Variants in RAB18 observed in about 807,000 individuals in gnomAD.
RAB18 encodes ras-related protein Rab-18.
A neutral mutation model predicts 28.5 loss-of-function variants in RAB18; 10 were observed. That is an observed-to-expected ratio of 0.35 (90% CI 0.22 to 0.60). RAB18 has a LOEUF of 0.60. Among genes scored for constraint, RAB18 ranks in the 20% least tolerant of loss-of-function variants. The probability of loss-of-function intolerance (pLI) is 0.78; values close to 1 mark genes in which losing one functional copy is unlikely to be tolerated. For missense variants in RAB18, 188 were observed against 244.2 expected (o/e 0.77, Z 1.53); for synonymous variants, 93 against 86.9 (o/e 1.07, Z -0.39).
chr10:27,522,318 C>G (rs1045751831), intron 2 of RAB18, among the ~76,000 whole-genome samples: 5 of 152,034 alleles, frequency 3.3e-5, no homozygotes, highest in Non-Finnish European at 7.4e-5. Flanking sequence ...TTGTTTTAGT[C>G]TCCTAACAGT....
At chr10:27,521,116 A>G (rs1011677745) in intron 2 of RAB18, among the ~76,000 whole-genome samples, 2 of 151,702 alleles carry the variant, frequency 1.3e-5, no homozygotes, top group African/African-American at 2.4e-5. Context: ...TCCTTCTGTT[A>G]TTAATTTCTA....
chr10:27,513,492 A>G (rs2477343), intron 2 of RAB18, among the ~76,000 whole-genome samples: 44,347 of 152,148 alleles, frequency 0.29, 6,793 homozygotes, highest in Admixed American at 0.35. Flanking sequence ...TCTGTCTTGC[A>G]TAAAATACTC....
intron 6 of RAB18, among the ~76,000 whole-genome samples, chr10:27,535,672 G>GA (rs917254283): frequency 6.6e-6 from 1 of 152,208 alleles, no homozygotes; most frequent in African/African-American, 2.4e-5. Context: ...TGGCCCAGAT[G>GA]AAGGAAGAAG....
Position 27,533,789 on chromosome 10 carries a change from A to G in RAB18, c.314A>G (p.Glu105Gly). The change falls in exon 5 of 7, where the codon GAA becomes GGA. Residue 105 changes from glutamate to glycine, a missense_variant. Coordinates refer to ENST00000356940, the MANE Select transcript of RAB18 (RefSeq NM_021252.5). ...TFVKLDNWLN[E>G]LETYCTRNDI... is the part of the protein sequence containing the mutation. ...GTTAAACTGGATAATTGGTTAAATG[A>G]ATTGGAAACATACTGTACAAGAAAT... 6.2e-7 allele frequency: 1 copy of G among 1,613,784 alleles called. No individual in the cohort carries two copies. Among genetic ancestry groups the G allele is most frequent in the Non-Finnish European group, 8.5e-7 (1 of 1,179,790 alleles).
In RAB18 at chr10:27,538,064, T is replaced by C; in HGVS notation, c.*13T>C. 6.2e-7 allele frequency: 1 copy of C among 1,614,068 alleles called. No homozygotes were observed. Among genetic ancestry groups the C allele is most frequent in the Non-Finnish European group, 8.5e-7 (1 of 1,179,926 alleles). On this transcript the variant is annotated 3_prime_UTR_variant, in exon 7 of 7. Coordinates refer to ENST00000356940, the MANE Select transcript of RAB18 (RefSeq NM_021252.5). ...CTCTGTGTTATAAACTCTGGGAAAT[T>C]CCATCTCTTGCATATTTGATCAGAT...
intron 3 of RAB18, among the ~76,000 whole-genome samples, chr10:27,529,104 T>C (rs1834737502): frequency 6.6e-6 from 1 of 152,022 alleles, no homozygotes; most frequent in African/African-American, 2.4e-5. Context: ...ATCATTTGCC[T>C]TTAAAATCAT....
At chr10:27,515,926 T>C (rs1834429635) in intron 2 of RAB18, among the ~76,000 whole-genome samples, 1 of 152,192 alleles carries the variant, frequency 6.6e-6, no homozygotes, top group African/African-American at 2.4e-5. Context: ...TTAAGATAGT[T>C]GCACATAGTA....
intron 2 of RAB18, among the ~76,000 whole-genome samples, chr10:27,523,682 G>A (rs1043711200): frequency 6.8e-6 from 1 of 147,022 alleles, no homozygotes; most frequent in African/African-American, 2.5e-5. Flanking sequence ...GCACAACCAC[G>A]GCACATTTCA....
intron 2 of RAB18, among the ~76,000 whole-genome samples, chr10:27,516,955 A>G (rs991961795): frequency 6.6e-6 from 1 of 152,206 alleles, no homozygotes; most frequent in Admixed American, 6.5e-5. Context: ...GGACAGAATA[A>G]AGTGGATAGT....
At chr10:27,522,738 G>C (rs1286702884) in intron 2 of RAB18, among the ~76,000 whole-genome samples, 1 of 151,828 alleles carries the variant, frequency 6.6e-6, no homozygotes, top group Non-Finnish European at 1.5e-5. Context: ...AGTAAATTCT[G>C]GTAGCTTTTA....
intron 2 of RAB18, among the ~76,000 whole-genome samples, chr10:27,516,563 G>T (rs1003409076): frequency 8.2e-6 from 1 of 121,528 alleles, no homozygotes; most frequent in Non-Finnish European, 1.8e-5. Context: ...ATCTCAAAAA[G>T]AAAAAAAAAA....
Position 27,523,408 on chromosome 10 carries a change from C to T in RAB18, c.125-3420C>T, listed in dbSNP as rs529164925. Among the ~76,000 whole-genome samples, 4 of 151,154 alleles carry T rather than the reference C, an allele frequency of 2.6e-5. No homozygotes were observed. The East Asian group carries it at 7.8e-4, about 30-fold the overall frequency. On this transcript the variant is annotated intron_variant, in intron 2 of 6. Coordinates refer to ENST00000356940, the MANE Select transcript of RAB18 (RefSeq NM_021252.5). ...CCTTCTCTCTTCTTTTTCCTCAACTCCATTGTTTGCATAATAGGCTGCTTG... is the reference window on the plus strand; with the variant it reads ...CCTTCTCTCTTCTTTTTCCTCAACTTCATTGTTTGCATAATAGGCTGCTTG...
At chr10:27,522,146 AAAAT>A (rs371856110) in intron 2 of RAB18, among the ~76,000 whole-genome samples, 68 of 152,256 alleles carry the variant, frequency 4.5e-4, no homozygotes, top group East Asian at 1.3e-3. Context: ...TGTGTTTAGG[AAAAT>A]AAATAAATAA....
At chr10:27,519,139 G>A (rs2132384855) in intron 2 of RAB18, among the ~76,000 whole-genome samples, 1 of 150,630 alleles carries the variant, frequency 6.6e-6, no homozygotes, top group East Asian at 1.9e-4. Context: ...GGAAAAGTTG[G>A]TTTAACATTA....
chr10:27,534,029 TTAA>T lies in RAB18; in HGVS notation c.445+37_445+39del, dbSNP rs1834844360. ...TGAATGAATATCTGTCCTTTCATTA[TTAA>T]TGAGGAATTTTTGAATGGAGTTTTT... On this transcript the variant is annotated intron_variant, in intron 6 of 6. Coordinates refer to ENST00000356940, the MANE Select transcript of RAB18 (RefSeq NM_021252.5). 10 of 1,538,824 alleles carry T rather than the reference TTAA, an allele frequency of 6.5e-6. No individual in the cohort carries two copies. The East Asian group carries it at 2.3e-4, about 35-fold the overall frequency.
intron 1 of RAB18, among the ~76,000 whole-genome samples, chr10:27,506,555 C>T (rs930777737): frequency 5.3e-5 from 8 of 152,050 alleles, no homozygotes; most frequent in Non-Finnish European, 1.0e-4. Flanking sequence ...CTCCTGAGCT[C>T]AACAGATCCT....
At chr10:27,520,279 C>T (rs1834519680) in intron 2 of RAB18, among the ~76,000 whole-genome samples, 1 of 152,032 alleles carries the variant, frequency 6.6e-6, no homozygotes, top group African/African-American at 2.4e-5. Flanking sequence ...AACGGTTGTT[C>T]ATAGTATTCT....
intron 1 of RAB18, chr10:27,504,676 C>A (rs771260478): frequency 1.4e-6 from 1 of 731,960 alleles, no homozygotes; most frequent in Admixed American, 1.9e-5. Context: ...GCTCTCCCTC[C>A]TGTAGCGCCG....
chr10:27,535,683 C>T (rs962650065), intron 6 of RAB18, among the ~76,000 whole-genome samples: 4 of 152,044 alleles, frequency 2.6e-5, no homozygotes, highest in African/African-American at 7.2e-5. Context: ...AAGGAAGAAG[C>T]GGTTTGACTG....
Sources: gnomAD v4.1 joint callset for allele counts (sites outside exome capture counted in the v4.1 genomes callset) on GRCh38, gnomAD v4.1.1 for gene constraint, MANE v1.5 for transcripts, NCBI Gene and HGNC (gene_info 2026-07-23, HGNC 2026-07-21) for gene names.